The following DMPK variants were observed in gnomAD, a reference collection of about 807,000 sequenced individuals.
The protein encoded by DMPK is DM1 protein kinase.
DMPK carries 32 observed loss-of-function variants against 70.3 expected under a neutral mutation model. That is an observed-to-expected ratio of 0.46 (90% CI 0.34 to 0.61). DMPK has a LOEUF of 0.61. Among genes scored for constraint, DMPK ranks in the 20% least tolerant of loss-of-function variants. The probability of loss-of-function intolerance (pLI) is 0.01; values close to 1 mark genes in which losing one functional copy is unlikely to be tolerated. For missense variants in DMPK, 899 were observed against 886.0 expected (o/e 1.01, Z -0.19); for synonymous variants, 469 against 390.9 (o/e 1.20, Z -2.36).
chr19:45,770,589 C>T lies in DMPK; in HGVS notation c.1789G>A (p.Val597Ile), dbSNP rs1310210930. The change falls in exon 15 of 15, where the codon GTT becomes ATT. Residue 597 changes from valine to isoleucine, a missense_variant. Val to Ile is a conservative substitution (Grantham distance 29). Around this residue, in one of 3 missense-constraint regions of DMPK, gnomAD observed 555 missense variants for 483.8 expected, o/e 1.15. Coordinates refer to ENST00000291270, the MANE Select transcript of DMPK (RefSeq NM_004409.5). ...EALSLLLFAV[V>I]LSRAAALGCI... The stretch of plus-strand genomic sequence containing the variant: ...CCCAGGGCGGCGGCACGAGACAGAA[C>T]AACGGCGAACAGGAGCAGGGAAAGC... 5.2e-6 allele frequency: 8 copies of T among 1,552,556 alleles called. No individual in the cohort carries two copies. The highest frequency in any genetic ancestry group is 3.3e-4 in the Middle Eastern group (2 of 5,994).
chr19:45,780,092 A>G (rs1450052191), intron 1 of DMPK: 76 of 1,493,810 alleles, frequency 5.1e-5, no homozygotes, highest in Non-Finnish European at 6.7e-5. Flanking sequence ...CCTTTGCGGG[A>G]CAGGGCATTG....
intron 1 of DMPK, among the ~76,000 whole-genome samples, chr19:45,781,012 T>A (rs577931918): frequency 6.6e-6 from 1 of 151,994 alleles, no homozygotes; most frequent in Non-Finnish European, 1.5e-5. Context: ...GGAGAGTCAT[T>A]AGGGGCTGTG....
chr19:45,778,580 T>C lies in DMPK; in HGVS notation c.494A>G (p.Glu165Gly). Residue 165 changes from glutamate (E) to glycine (G), a missense_variant, in exon 5 of 15, where the codon GAG (glutamate) becomes GGG (glycine). Transcript: ENST00000291270. ...DLLTLLSKFGERIPAEMARFY... is the reference protein window; with the variant it reads ...DLLTLLSKFGGRIPAEMARFY... ...GCGCGCCATCTCGGCCGGAATCCGC[T>C]CCCCAAACTTGCTCAGCAGTGTCAG... 1 of 1,613,836 alleles carries C rather than the reference T, an allele frequency of 6.2e-7. No individual in the cohort carries two copies. The highest frequency in any genetic ancestry group is 8.5e-7 in the Non-Finnish European group (1 of 1,179,986).
At chr19:45,774,045 C>G (rs989465192) in intron 9 of DMPK, among the ~76,000 whole-genome samples, 11 of 151,752 alleles carry the variant, frequency 7.2e-5, no homozygotes, top group African/African-American at 2.4e-4. Flanking sequence ...CAACCTCCCC[C>G]TCCTGGGTTC....
chr19:45,780,015 C>A, intron 1 of DMPK, 146 bp from the exon 2 acceptor site: 2 of 1,552,996 alleles, frequency 1.3e-6, no homozygotes. Context: ...GGCTTCCCCA[C>A]ATAAACACCG....
chr19:45,777,602 G>A lies in DMPK; in HGVS notation c.883-12C>T, dbSNP rs779534958. 1.2e-5 allele frequency: 20 copies of A among 1,612,990 alleles called. No homozygotes were observed. The highest frequency in any genetic ancestry group is 3.3e-5 in the Admixed American group (2 of 59,956). ...AGAGAGAGGTGCTCCTGCTCAGAGGGAGAGGAGGCGATAGCCTGGGAGCGC... is the reference window on the plus strand; with the variant it reads ...AGAGAGAGGTGCTCCTGCTCAGAGGAAGAGGAGGCGATAGCCTGGGAGCGC... On this transcript the variant is annotated splice_polypyrimidine_tract_variant and intron_variant, in intron 7 of 14. Coordinates refer to ENST00000291270, the MANE Select transcript of DMPK (RefSeq NM_004409.5). This position sits in a 1 kb window ranked among gnomAD's most constrained non-coding sequence, Gnocchi z 6.7.
intron 1 of DMPK, among the ~76,000 whole-genome samples, chr19:45,781,921 T>C (rs1429804026): frequency 6.6e-6 from 1 of 152,140 alleles, no homozygotes; most frequent in East Asian, 1.9e-4. Context: ...GGGAGGCTGT[T>C]GGCAGCCTAG....
chr19:45,779,558 G>T (rs780263576), intron 2 of DMPK, 36 bp from the exon 3 acceptor site: 3 of 1,612,258 alleles, frequency 1.9e-6, no homozygotes. Context: ...TGGAGACGGC[G>T]GGAAAACAAA....
At chr19:45,775,971 A>C (rs142350523) in intron 8 of DMPK, among the ~76,000 whole-genome samples, 5,829 of 94,296 alleles carry the variant, frequency 0.062, 1,580 homozygotes, top group African/African-American at 0.2. Context: ...CAGGCACCCG[A>C]GACCACACCC....
chr19:45,779,407 T>G (rs766138774), intron 3 of DMPK, 32 bp downstream of exon 3: 4 of 1,613,826 alleles, frequency 2.5e-6, no homozygotes, highest in Non-Finnish European at 8.5e-7. Flanking sequence ...GCGCGGATCC[T>G]CAAAGCCCCC....
chr19:45,779,075 G>A, intron 4 of DMPK, 189 bp downstream of exon 4: 1 of 634,938 alleles, frequency 1.6e-6, no homozygotes, highest in East Asian at 2.7e-5. Context: ...GGGCAGTGAA[G>A]GACACCATCC....
Position 45,771,078 on chromosome 19 carries a change from A to G in DMPK, c.1648-18T>C, listed in dbSNP as rs796969411. The G allele has an allele frequency of 6.6e-6, 10 of 1,521,306 alleles. No homozygotes were observed. In the African/African-American group the frequency reaches 1.4e-4, roughly 21 times the overall value. 94.2% of individuals were successfully genotyped at this position (1,521,306 alleles called of 1,614,324 possible). On this transcript the variant is annotated intron_variant, in intron 13 of 14. Transcript: ENST00000291270. ...CCATCTAGCTGGAGAGAGAAGGGACAGGTGACCCGATCGGAGCCCAGCCCA... is the reference window on the plus strand; with the variant it reads ...CCATCTAGCTGGAGAGAGAAGGGACGGGTGACCCGATCGGAGCCCAGCCCA...
chr19:45,780,530 G>C, intron 1 of DMPK: 1 of 1,064,628 alleles, frequency 9.4e-7, no homozygotes, highest in Non-Finnish European at 1.1e-6. Flanking sequence ...CCTCTCAGAA[G>C]TCAAGGTCCT....
rs1969917600 is a variant in DMPK at position 45,778,588 on chromosome 19, C to T, written c.486G>A (p.Lys162=). The part of the protein sequence containing the change: ...VGGDLLTLLS[K]FGERIPAEMA... The stretch of plus-strand genomic sequence containing the variant: ...TCTCGGCCGGAATCCGCTCCCCAAA[C>T]TTGCTCAGCAGTGTCAGCAGGTCCC... Residue 162 remains lysine (K), a synonymous_variant, in exon 5 of 15, where the codon AAG becomes AAA. Transcript: ENST00000291270. 2 of 1,613,926 alleles carry T rather than the reference C, an allele frequency of 1.2e-6. No homozygotes were observed.
Position 45,775,029 on chromosome 19 carries a change from T to G in DMPK, c.1152A>C (p.Thr384=). The change falls in exon 9 of 15, where the codon ACA becomes ACC. Residue 384 remains threonine, a synonymous_variant. Coordinates refer to ENST00000291270, the MANE Select transcript of DMPK (RefSeq NM_004409.5). ...GCGCACCTTCCCGAATGTCCGACAGTGTCTCCTGCGCAAGACACACAGATG... is the reference window on the plus strand; with the variant it reads ...GCGCACCTTCCCGAATGTCCGACAGGGTCTCCTGCGCAAGACACACAGATG... ...LTAMVSGGGE[T]LSDIREGAPL... is the part of the protein sequence containing the mutation. 6 of 1,613,616 alleles carry G rather than the reference T, an allele frequency of 3.7e-6. No individual in the cohort carries two copies. The highest frequency in any genetic ancestry group is 5.1e-6 in the Non-Finnish European group (6 of 1,179,848).
In DMPK at chr19:45,781,476, G is replaced by A. The variant is rs115067015; in HGVS notation, c.160+717C>T. ...GGAGAACTAAAGGACGCAGGGACCCGGGGTGGCGGGAATGGTGGCTGACCC... is the reference window on the plus strand; with the variant it reads ...GGAGAACTAAAGGACGCAGGGACCCAGGGTGGCGGGAATGGTGGCTGACCC... On this transcript the variant is annotated intron_variant, in intron 1 of 14. Transcript: ENST00000291270. Among the ~76,000 whole-genome samples the A allele has an allele frequency of 3.3e-3, 508 of 152,290 alleles. 3 individuals carry two copies. The highest frequency in any genetic ancestry group is 0.012 in the African/African-American group (487 of 41,562).
chr19:45,770,290 A>T lies in DMPK; in HGVS notation c.*198T>A, dbSNP rs1352130897. 1 of 772,092 alleles carries T rather than the reference A, an allele frequency of 1.3e-6. No homozygotes were observed. 47.8% of individuals were successfully genotyped at this position (772,092 alleles called of 1,614,324 possible). On this transcript the variant is annotated 3_prime_UTR_variant, in exon 15 of 15. Coordinates refer to ENST00000291270, the MANE Select transcript of DMPK (RefSeq NM_004409.5). ...CATTCCCGGCTACAAGGACCCTTCG[A>T]GCCCCGTTCGCCGGCCGCGGACCCG...
At chr19:45,781,985 T>C (rs947697704) in intron 1 of DMPK, among the ~76,000 whole-genome samples, 1 of 152,140 alleles carries the variant, frequency 6.6e-6, no homozygotes, top group Admixed American at 6.5e-5. Flanking sequence ...TAGCCTCTGC[T>C]GACCTTACTC....
Position 45,781,375 on chromosome 19 carries a change from C to T in DMPK, c.160+818G>A, listed in dbSNP as rs565951155. On this transcript the variant is annotated intron_variant, in intron 1 of 14. Coordinates refer to ENST00000291270, the MANE Select transcript of DMPK (RefSeq NM_004409.5). ...GAAGCGGAAGCATCCTCCTTCCAGCCCTGGCCCCAGGCCCTGGAAAGCCCT... is the reference window on the plus strand; with the variant it reads ...GAAGCGGAAGCATCCTCCTTCCAGCTCTGGCCCCAGGCCCTGGAAAGCCCT... Among the ~76,000 whole-genome samples the T allele has an allele frequency of 1.8e-4, 27 of 152,236 alleles. No individual in the cohort carries two copies. In the Middle Eastern group the frequency reaches 0.01, roughly 58 times the overall value.
Sources: gnomAD v4.1 joint callset for allele counts (sites outside exome capture counted in the v4.1 genomes callset) on GRCh38, gnomAD v4.1.1 for gene constraint, gnomAD v4.1.1 regional missense constraint, Gnocchi (gnomAD v3.1) non-coding constraint, MANE v1.5 for transcripts, NCBI Gene and HGNC (gene_info 2026-07-23, HGNC 2026-07-21) for gene names.